The following WDR7 variants were observed in gnomAD, a reference collection of about 807,000 sequenced individuals.
The protein encoded by WDR7 is WD repeat domain 7.
A neutral mutation model predicts 169.4 loss-of-function variants in WDR7; 46 were observed. The observed-to-expected ratio is 0.27, with a 90% confidence interval of 0.21 to 0.35. WDR7 has a LOEUF of 0.35. WDR7 is among the 10% of genes least tolerant of loss of function. The pLI, the probability that WDR7 is intolerant of heterozygous loss-of-function variation, is 1.00. For missense variants in WDR7, 1,534 were observed against 1,859.3 expected, an observed-to-expected ratio of 0.83 and a Z score of 3.22; for synonymous variants, 612 against 666.8, an observed-to-expected ratio of 0.92 and a Z score of 1.27.
At chr18:56,980,400 G>T (rs1290759569) in intron 26 of WDR7, among the ~76,000 whole-genome samples, 1 of 152,144 alleles carries the variant, frequency 6.6e-6, no homozygotes, top group Non-Finnish European at 1.5e-5. Context: ...TATGGAGTGT[G>T]ATTTTACAAG....
At chr18:56,758,147 C>G (rs1599021247) in intron 15 of WDR7, among the ~76,000 whole-genome samples, 1 of 152,072 alleles carries the variant, frequency 6.6e-6, no homozygotes, top group East Asian at 1.9e-4. Flanking sequence ...TTCCAGAATA[C>G]TTAGCCTCAA....
chr18:56,715,177 C>T (rs1462098910), intron 12 of WDR7, among the ~76,000 whole-genome samples: 1 of 152,094 alleles, frequency 6.6e-6, no homozygotes, highest in African/African-American at 2.4e-5. Flanking sequence ...TGCTTAATGG[C>T]TCTAGTCCTC....
chr18:56,987,108 T>C (rs1397069059), intron 26 of WDR7, among the ~76,000 whole-genome samples: 1 of 152,050 alleles, frequency 6.6e-6, no homozygotes, highest in African/African-American at 2.4e-5. Context: ...ATGTTCACAA[T>C]TGTTTTGAGC....
chr18:56,897,853 G>C (rs1196431809), intron 21 of WDR7, among the ~76,000 whole-genome samples: 1 of 151,978 alleles, frequency 6.6e-6, no homozygotes, highest in Non-Finnish European at 1.5e-5. Flanking sequence ...TCATAGTTTA[G>C]TATGCATGCA....
chr18:56,659,702 G>T (rs1259556354), intron 1 of WDR7, among the ~76,000 whole-genome samples: 1 of 152,140 alleles, frequency 6.6e-6, no homozygotes, highest in African/African-American at 2.4e-5. Context: ...GTATCTTTGA[G>T]CAACACCAAT....
intron 19 of WDR7, among the ~76,000 whole-genome samples, chr18:56,804,672 G>A (rs554878263): frequency 5.3e-5 from 8 of 152,258 alleles, no homozygotes; most frequent in Non-Finnish European, 1.0e-4. Flanking sequence ...TTATAACAGT[G>A]GTCCGCTGAG....
intron 21 of WDR7, among the ~76,000 whole-genome samples, chr18:56,897,841 C>T (rs918425623): frequency 2.0e-5 from 3 of 151,636 alleles, no homozygotes; most frequent in Non-Finnish European, 4.4e-5. Context: ...ATAATTATGA[C>T]CTCATAGTTT....
intron 27 of WDR7, among the ~76,000 whole-genome samples, chr18:57,021,250 G>A (rs903814404): frequency 3.3e-5 from 5 of 152,160 alleles, no homozygotes; most frequent in African/African-American, 1.2e-4. Context: ...TGGTTAAGAA[G>A]GGGGCACAGG....
At chr18:56,775,076 A>T (rs1475689662) in intron 16 of WDR7, among the ~76,000 whole-genome samples, 1 of 152,112 alleles carries the variant, frequency 6.6e-6, no homozygotes, top group East Asian at 1.9e-4. Flanking sequence ...CCTTATAGGA[A>T]TCATTAATCC....
chr18:56,899,853 A>G (rs1163310320), intron 21 of WDR7, among the ~76,000 whole-genome samples: 3 of 152,042 alleles, frequency 2.0e-5, no homozygotes, highest in African/African-American at 7.2e-5. Context: ...ATTTCCATTG[A>G]CAAAGTGCTG....
chr18:56,667,429 A>G (rs2025047513), intron 1 of WDR7, among the ~76,000 whole-genome samples: 1 of 152,094 alleles, frequency 6.6e-6, no homozygotes, highest in Non-Finnish European at 1.5e-5. Flanking sequence ...AAGTTTGAGC[A>G]TGTTGCTTCT....
intron 16 of WDR7, among the ~76,000 whole-genome samples, chr18:56,772,732 A>C (rs2044183851): frequency 6.6e-6 from 1 of 151,050 alleles, no homozygotes; most frequent in Non-Finnish European, 1.5e-5. Context: ...CTAAAATAAT[A>C]TATAGATAGT....
At position 57,028,804 on chromosome 18, in the gene WDR7, A is replaced by G. The variant is rs928115502; in HGVS notation, c.*1597A>G. 6 of 152,794 alleles carry G rather than the reference A, an allele frequency of 3.9e-5. No homozygotes were observed. The East Asian group carries it at 9.6e-4, about 25-fold the overall frequency. The allele number at this position is 152,794 out of a possible 1,614,324, so 9.5% of individuals were successfully genotyped here. ...TGTTATTTCCATTGACGGCAAATCT[A>G]TACTGTTCCTTGGTTTTAGAGTTGG... On this transcript the variant is annotated 3_prime_UTR_variant, in exon 28 of 28. Coordinates refer to ENST00000254442, the MANE Select transcript of WDR7 (RefSeq NM_015285.3).
intron 27 of WDR7, among the ~76,000 whole-genome samples, chr18:57,024,177 A>G (rs2048326176): frequency 6.6e-6 from 1 of 152,130 alleles, no homozygotes; most frequent in Admixed American, 6.5e-5. Context: ...TGAATTTTCC[A>G]CAATGAGTAT....
At chr18:56,783,096 A>G (rs1204756086) in intron 19 of WDR7, among the ~76,000 whole-genome samples, 1 of 152,100 alleles carries the variant, frequency 6.6e-6, no homozygotes, top group Non-Finnish European at 1.5e-5. Flanking sequence ...TAAAATATTT[A>G]CTTAGTGAAT....
intron 21 of WDR7, among the ~76,000 whole-genome samples, chr18:56,903,576 T>C (rs1395271091): frequency 6.6e-6 from 1 of 151,948 alleles, no homozygotes; most frequent in Non-Finnish European, 1.5e-5. Context: ...TGTGCCACCA[T>C]GCCTGGCTAA....
intron 1 of WDR7, among the ~76,000 whole-genome samples, chr18:56,663,897 G>A (rs533981037): frequency 3.1e-4 from 47 of 152,076 alleles, no homozygotes; most frequent in African/African-American, 1.1e-3. Flanking sequence ...GAGGTAACAG[G>A]GTTAAGTCTT....
chr18:56,688,541 C>T (rs1269168990), intron 7 of WDR7, among the ~76,000 whole-genome samples: 2 of 135,290 alleles, frequency 1.5e-5, no homozygotes, highest in East Asian at 2.2e-4. Context: ...ACATGTGAAA[C>T]CCCGTCTCTA....
At chr18:56,671,234 T>G (rs1319411471) in intron 1 of WDR7, among the ~76,000 whole-genome samples, 1 of 152,002 alleles carries the variant, frequency 6.6e-6, no homozygotes, top group Non-Finnish European at 1.5e-5. Flanking sequence ...TTCATGACCT[T>G]CAGGCATAAC....
Sources: gnomAD v4.1 joint callset for allele counts (sites outside exome capture counted in the v4.1 genomes callset) on GRCh38, gnomAD v4.1.1 for gene constraint, MANE v1.5 for transcripts, NCBI Gene and HGNC (gene_info 2026-07-23, HGNC 2026-07-21) for gene names.